The following WDR1 variants were observed in gnomAD, a reference collection of about 807,000 sequenced individuals.
WDR1 encodes WD repeat domain 1.
A neutral mutation model predicts 71.9 loss-of-function variants in WDR1; 21 were observed. The ratio of observed to expected loss-of-function variants is 0.29; its 90% CI spans 0.21 to 0.42. The LOEUF is 0.42. Ranked by LOEUF, WDR1 falls within the 10% of genes least tolerant of loss-of-function variation. WDR1 has a pLI of 1.00. For missense variants in WDR1, 696 were observed against 824.5 expected, an observed-to-expected ratio of 0.84 and a Z score of 1.91; for synonymous variants, 424 against 347.4, an observed-to-expected ratio of 1.22 and a Z score of -2.45.
chr4:10,109,867 T>C (rs1390031960), intron 2 of WDR1, among the ~76,000 whole-genome samples: 1 of 152,160 alleles, frequency 6.6e-6, no homozygotes, highest in Non-Finnish European at 1.5e-5. Context: ...AGGGCAGTCA[T>C]GAAGACAAGA....
intron 8 of WDR1, 149 bp downstream of exon 8, chr4:10,087,558 C>G (rs1711664221): frequency 1.3e-6 from 1 of 742,698 alleles, no homozygotes; most frequent in Non-Finnish European, 2.2e-6. Context: ...AGCATCCCAG[C>G]CTTCCACCAA....
chr4:10,116,279 G>A (rs565593548), intron 1 of WDR1, 45 bp from the exon 2 acceptor site: 38 of 1,611,154 alleles, frequency 2.4e-5, no homozygotes, highest in East Asian at 2.2e-4. Flanking sequence ...GCAGGGCGGG[G>A]ACGGCGGGGA....
chr4:10,086,214 T>C (rs2109652569), intron 8 of WDR1, among the ~76,000 whole-genome samples: 1 of 152,302 alleles, frequency 6.6e-6, no homozygotes, highest in African/African-American at 2.4e-5. Flanking sequence ...ACAAGAGCCC[T>C]CAGCTCCCCC....
intron 5 of WDR1, chr4:10,092,905 TG>T: frequency 2.0e-6 from 1 of 491,926 alleles, no homozygotes; most frequent in Non-Finnish European, 3.7e-6. Context: ...GCCTCATCCC[TG>T]GTGGACAACT....
chr4:10,082,448 G>C (rs1360644129), intron 10 of WDR1, among the ~76,000 whole-genome samples: 1 of 152,176 alleles, frequency 6.6e-6, no homozygotes, highest in Non-Finnish European at 1.5e-5. Flanking sequence ...TCAGGTCCTG[G>C]AACATTTCTC....
chr4:10,111,721 AAC>A (rs769279721), intron 2 of WDR1, among the ~76,000 whole-genome samples: 4 of 152,078 alleles, frequency 2.6e-5, no homozygotes, highest in Non-Finnish European at 5.9e-5. Flanking sequence ...ACCCGCAGGA[AAC>A]ACAGGTGAGT....
intron 2 of WDR1, chr4:10,115,879 G>A (rs926322230): frequency 1.4e-4 from 74 of 547,846 alleles, no homozygotes; most frequent in Admixed American, 4.7e-4. Context: ...TGCTATGACC[G>A]TAGACAGAAA....
At chr4:10,112,400 C>G (rs1713440741) in intron 2 of WDR1, among the ~76,000 whole-genome samples, 1 of 152,196 alleles carries the variant, frequency 6.6e-6, no homozygotes, top group Admixed American at 6.5e-5. Context: ...CTGGAATCCC[C>G]TTCTTGGAGC....
At chr4:10,102,715 C>T (rs1712748879) in intron 3 of WDR1, among the ~76,000 whole-genome samples, 1 of 152,196 alleles carries the variant, frequency 6.6e-6, no homozygotes, top group Non-Finnish European at 1.5e-5. Flanking sequence ...ATCTCCCATA[C>T]ACCCTTCAGG....
intron 2 of WDR1, among the ~76,000 whole-genome samples, chr4:10,115,016 G>A (rs866004098): frequency 6.6e-6 from 1 of 152,220 alleles, no homozygotes; most frequent in African/African-American, 2.4e-5. Context: ...CCAGTTGCTG[G>A]CCTCCTGGAG....
intron 2 of WDR1, among the ~76,000 whole-genome samples, chr4:10,113,068 G>A (rs1241768622): frequency 6.6e-6 from 1 of 152,238 alleles, no homozygotes. Context: ...ATAAACCAAA[G>A]GGAAAGGCCT....
chr4:10,103,297 C>T (rs3890857), intron 3 of WDR1, among the ~76,000 whole-genome samples: 1 of 131,814 alleles, frequency 7.6e-6, no homozygotes, highest in African/African-American at 2.9e-5. Flanking sequence ...CAGACACACA[C>T]ACACACACAC....
chr4:10,107,320 CTT>C (rs1713083674), intron 2 of WDR1, among the ~76,000 whole-genome samples: 1 of 152,214 alleles, frequency 6.6e-6, no homozygotes. Context: ...CCCATCTTCT[CTT>C]TTACCTCCAC....
intron 4 of WDR1, 77 bp downstream of exon 4, chr4:10,098,915 C>T (rs1203055188): frequency 6.3e-7 from 1 of 1,589,800 alleles, no homozygotes; most frequent in Non-Finnish European, 8.6e-7. Context: ...ATCAGCGCAT[C>T]CCCCTCCCAG....
chr4:10,088,019 G>C (rs1332867461), intron 7 of WDR1, 79 bp from the exon 8 acceptor site: 6 of 1,352,012 alleles, frequency 4.4e-6, no homozygotes, highest in Admixed American at 4.5e-5. Context: ...CTTGTCCACT[G>C]CGACTGTTTG....
chr4:10,083,704 G>A (rs1204565187), intron 9 of WDR1: 9 of 458,956 alleles, frequency 2.0e-5, no homozygotes, highest in East Asian at 6.9e-5. Context: ...CATCAGCAAC[G>A]TGTGTGGGCA....
chr4:10,088,056 G>A, intron 7 of WDR1, 116 bp from the exon 8 acceptor site: 6 of 1,086,080 alleles, frequency 5.5e-6, no homozygotes, highest in East Asian at 2.6e-5. Context: ...CCCAGAGAGA[G>A]GGTGGGACAT....
chr4:10,087,595 G>A (rs1711665793), intron 8 of WDR1, 112 bp downstream of exon 8: 1 of 1,057,754 alleles, frequency 9.5e-7, no homozygotes, highest in Non-Finnish European at 1.4e-6. Flanking sequence ...GAGGCCTGAG[G>A]ACACCTCTCT....
rs751284028 is a variant in WDR1, at chr4:10,077,946, G to A, written c.1396-20C>T. ...GCCGTCCTACGGCAGGGACAGAGAG[G>A]AAGTGAGCCACCCCTGAACACACAC... On this transcript the variant is annotated intron_variant, in intron 12 of 14. Transcript: ENST00000499869. 8 of 1,587,982 alleles carry A rather than the reference G, an allele frequency of 5.0e-6. No homozygotes were observed. The highest frequency in any genetic ancestry group is 2.7e-5 in the African/African-American group (2 of 74,422).
Sources: allele counts gnomAD v4.1 joint callset (sites outside exome capture counted in the v4.1 genomes callset), GRCh38; gene constraint gnomAD v4.1.1; transcripts MANE v1.5; gene names NCBI Gene and HGNC (gene_info 2026-07-23, HGNC 2026-07-21).